Variants in DLGAP3 observed in about 807,000 individuals in gnomAD.
DLGAP3 encodes the protein DLG associated protein 3.
Under a neutral mutation model 81.2 loss-of-function variants are expected in DLGAP3, and 17 were observed. The observed-to-expected ratio is 0.21, with a 90% CI of 0.14 to 0.31. The LOEUF is 0.31. DLGAP3 is among the 10% of genes least tolerant of loss of function. DLGAP3 has a pLI of 1.00. For synonymous variants in DLGAP3, 577 were observed against 587.4 expected, an observed-to-expected ratio of 0.98 and a Z score of 0.26; for missense variants, 1,124 against 1,388.0, an observed-to-expected ratio of 0.81 and a Z score of 3.02.
At chr1:34,910,097 C>T (rs1179297875) in intron 1 of DLGAP3, among the ~76,000 whole-genome samples, 1 of 152,182 alleles carries the variant, frequency 6.6e-6, no homozygotes, top group East Asian at 1.9e-4. Context: ...GAGCTAGGGC[C>T]GCTATCTTGC....
intron 1 of DLGAP3, among the ~76,000 whole-genome samples, chr1:34,913,691 C>A (rs1402638854): frequency 6.6e-6 from 1 of 152,174 alleles, no homozygotes; most frequent in Non-Finnish European, 1.5e-5. Context: ...ACAATGCCTG[C>A]CACTAAACGG....
intron 1 of DLGAP3, among the ~76,000 whole-genome samples, chr1:34,910,984 G>A (rs1163494488): frequency 6.6e-6 from 1 of 151,062 alleles, no homozygotes; most frequent in East Asian, 2.0e-4. Context: ...GATATTTTAT[G>A]TGATTCCCAC....
At position 34,900,646 on chromosome 1, in the gene DLGAP3, CT is replaced by C. The variant is rs1639444472; in HGVS notation, c.1108-374del. Among the ~76,000 whole-genome samples the C allele has an allele frequency of 6.6e-6, 1 of 152,210 alleles. No individual in the cohort carries two copies. The highest frequency in any genetic ancestry group is 2.4e-5 in the African/African-American group (1 of 41,454). ...CCTTCTCCTTCATCCTTTCAACCTG[CT>C]TACATTCCAAATCCTCTCTCCTTCC... On this transcript the variant is annotated intron_variant, in intron 3 of 11. Transcript: ENST00000373347. This position sits in a 1 kb window ranked among gnomAD's most constrained non-coding sequence, Gnocchi z 5.6.
chr1:34,904,198 C>G lies in DLGAP3; in HGVS notation c.1107+79G>C, dbSNP rs1639504767. ...ATCACAGGGACAGCTGGCTCCCACC[C>G]AACCCTTTCCACTGCTCCCTAGTTG... On this transcript the variant is annotated intron_variant, in intron 3 of 11. Coordinates refer to ENST00000373347, the MANE Select transcript of DLGAP3 (RefSeq NM_001080418.3). This position sits in a 1 kb window ranked among gnomAD's most constrained non-coding sequence, Gnocchi z 8.1. 6.4e-7 allele frequency: 1 copy of G among 1,567,858 alleles called. No individual in the cohort carries two copies. The highest frequency in any genetic ancestry group is 8.7e-7 in the Non-Finnish European group (1 of 1,152,406).
At chr1:34,880,466 C>T (rs1047465990) in intron 8 of DLGAP3, among the ~76,000 whole-genome samples, 1 of 152,220 alleles carries the variant, frequency 6.6e-6, no homozygotes, top group African/African-American at 2.4e-5. Flanking sequence ...CACAGTGGCT[C>T]ACGCCTGTAA....
chr1:34,868,839 C>T lies in DLGAP3; in HGVS notation c.2251G>A (p.Ala751Thr), dbSNP rs1309091247. The T allele has an allele frequency of 6.3e-7, 1 of 1,581,306 alleles. No individual in the cohort carries two copies. Among genetic ancestry groups the T allele is most frequent in the Non-Finnish European group, 8.6e-7 (1 of 1,169,116 alleles). Residue 751 changes from alanine to threonine, a missense_variant, in exon 9 of 12, where the codon GCC (alanine) becomes ACC (threonine). Ala to Thr is a moderately conservative substitution (Grantham distance 58). Coordinates refer to ENST00000373347, the MANE Select transcript of DLGAP3 (RefSeq NM_001080418.3). The surrounding 1 kb of genome is among the most constrained non-coding windows in gnomAD (Gnocchi z 7.5). The part of the protein sequence containing the change: ...EGYPLPYEPP[A>T]TDGSPGPAPA... ...GCAGGGCCGGGCGACCCATCGGTGGCCGGCGGCTCGTACGGCAGTGGGTAG... is the reference window on the plus strand; with the variant it reads ...GCAGGGCCGGGCGACCCATCGGTGGTCGGCGGCTCGTACGGCAGTGGGTAG...
chr1:34,924,298 C>T (rs1256229531), intron 1 of DLGAP3, among the ~76,000 whole-genome samples: 1 of 152,160 alleles, frequency 6.6e-6, no homozygotes, highest in Non-Finnish European at 1.5e-5. Context: ...ACTGCCCTGT[C>T]TCCAGTAGCC....
chr1:34,883,052 C>T (rs139148788), intron 8 of DLGAP3, among the ~76,000 whole-genome samples: 28 of 152,336 alleles, frequency 1.8e-4, no homozygotes. Flanking sequence ...AAGGTCCCTT[C>T]TTCTCTCTTA....
At chr1:34,926,930 G>A (rs920048937) in intron 1 of DLGAP3, among the ~76,000 whole-genome samples, 2 of 152,206 alleles carry the variant, frequency 1.3e-5, no homozygotes, top group African/African-American at 4.8e-5. Context: ...AACTGGGGAG[G>A]ATGAAGGAAA....
intron 1 of DLGAP3, among the ~76,000 whole-genome samples, chr1:34,915,266 CAT>C (rs1226150398): frequency 6.6e-6 from 1 of 152,222 alleles, no homozygotes; most frequent in African/African-American, 2.4e-5. Flanking sequence ...AGAAACTGCA[CAT>C]ATGTCTCTAT....
chr1:34,866,037 G>T lies in DLGAP3; in HGVS notation c.*46C>A. 1.3e-6 allele frequency: 2 copies of T among 1,511,616 alleles called. No homozygotes were observed. The highest frequency in any genetic ancestry group is 1.2e-5 in the South Asian group (1 of 86,748). The allele number at this position is 1,511,616 out of a possible 1,614,324, so 93.6% of individuals were successfully genotyped here. ...GACCTCGACGCTGGGTGTACAGTAC[G>T]GGTGGAGAACCGCGGGCCCGGGCCG... On this transcript the variant is annotated 3_prime_UTR_variant, in exon 12 of 12. Coordinates refer to ENST00000373347, the MANE Select transcript of DLGAP3 (RefSeq NM_001080418.3).
intron 5 of DLGAP3, among the ~76,000 whole-genome samples, chr1:34,888,368 C>G (rs1197173303): frequency 6.6e-6 from 1 of 152,186 alleles, no homozygotes. Flanking sequence ...GGTGATAAAA[C>G]TGAAATTAAA....
At chr1:34,903,508 T>C (rs193231251) in intron 3 of DLGAP3, among the ~76,000 whole-genome samples, 1 of 152,320 alleles carries the variant, frequency 6.6e-6, no homozygotes, top group East Asian at 1.9e-4. Context: ...AAGAAAACGA[T>C]GTGGGCTGGA....
chr1:34,885,872 C>A, intron 6 of DLGAP3, 81 bp from the exon 7 acceptor site: 2 of 1,243,256 alleles, frequency 1.6e-6, no homozygotes, highest in South Asian at 1.6e-5. Flanking sequence ...GACTCCCACC[C>A]TCAAGAGGCC....
At position 34,883,197 on chromosome 1, in the gene DLGAP3, C is replaced by T. The variant is rs890556708; in HGVS notation, c.2000+1781G>A. On this transcript the variant is annotated intron_variant, in intron 8 of 11. Transcript: ENST00000373347. The stretch of plus-strand genomic sequence containing the variant: ...TTGATTTCCCTCTAGACCATAGCTT[C>T]TGTGAGGGCAGAAGTCATGTCTTTG... Among the ~76,000 whole-genome samples, 3 of 152,182 alleles carry T rather than the reference C, an allele frequency of 2.0e-5. No homozygotes were observed. The East Asian group carries it at 5.8e-4, about 29-fold the overall frequency.
chr1:34,879,547 A>G (rs1218872235), intron 8 of DLGAP3, among the ~76,000 whole-genome samples: 1 of 152,218 alleles, frequency 6.6e-6, no homozygotes, highest in African/African-American at 2.4e-5. Context: ...GATACATGAT[A>G]TATATACATA....
At chr1:34,875,840 A>G (rs1639042294) in intron 8 of DLGAP3, among the ~76,000 whole-genome samples, 1 of 152,082 alleles carries the variant, frequency 6.6e-6, no homozygotes, top group Non-Finnish European at 1.5e-5. Context: ...CTTATCTCCC[A>G]TTTTTCACTC....
chr1:34,904,611 G>A lies in DLGAP3; in HGVS notation c.773C>T (p.Thr258Ile). The A allele has an allele frequency of 6.2e-7, 1 of 1,614,240 alleles. No homozygotes were observed. The highest frequency in any genetic ancestry group is 8.5e-7 in the Non-Finnish European group (1 of 1,180,048). ...KGDGRHQAKS[T>I]GWWSSDDNLD... The stretch of plus-strand genomic sequence containing the variant: ...GTTGTCATCGGAACTCCACCAGCCT[G>A]TGGACTTGGCCTGGTGCCGCCCATC... Residue 258 changes from threonine to isoleucine, a missense_variant, in exon 3 of 12, where the codon ACA becomes ATA. Coordinates refer to ENST00000373347, the MANE Select transcript of DLGAP3 (RefSeq NM_001080418.3). This position sits in a 1 kb window ranked among gnomAD's most constrained non-coding sequence, Gnocchi z 8.1.
In DLGAP3 at chr1:34,905,135, C is replaced by A. The variant is rs753115472; in HGVS notation, c.249G>T (p.Gly83=). 5 of 1,571,526 alleles carry A rather than the reference C, an allele frequency of 3.2e-6. No individual in the cohort carries two copies. The highest frequency in any genetic ancestry group is 1.9e-5 in the Admixed American group (1 of 53,854). Residue 83 remains glycine (G), a synonymous_variant, in exon 3 of 12, where the codon GGG becomes GGT. Transcript: ENST00000373347. ...PEGGPAGAGV[G]GGSSTFPRMY... is the part of the protein sequence containing the mutation. ...TCCTGGGGAAGGTGCTGCTACCCCCCCCAACCCCGGCCCCCGCTGGCCCTC... is the reference window on the plus strand; with the variant it reads ...TCCTGGGGAAGGTGCTGCTACCCCCACCAACCCCGGCCCCCGCTGGCCCTC...
Sources: allele counts gnomAD v4.1 joint callset (sites outside exome capture counted in the v4.1 genomes callset), GRCh38; gene constraint gnomAD v4.1.1; non-coding constraint Gnocchi (gnomAD v3.1); transcripts MANE v1.5; gene names NCBI Gene and HGNC (gene_info 2026-07-23, HGNC 2026-07-21).